PKHD1: variants seen among roughly 807,000 people sequenced by gnomAD.
PKHD1 encodes fibrocystin.
In PKHD1, 291 loss-of-function variants were observed where a neutral mutation model predicts 412.0. The observed-to-expected ratio is 0.71, with a 90% CI of 0.64 to 0.78. PKHD1 has a LOEUF of 0.78. PKHD1 is among the 30% of genes least tolerant of loss of function. The pLI is 0.00. For missense variants in PKHD1, 4,825 were observed against 4,950.7 expected (o/e 0.97, Z 0.76); for synonymous variants, 1,777 against 1,821.5 (o/e 0.98, Z 0.62).
chr6:52,016,279 G>A (rs1395550064), intron 34 of PKHD1, among the ~76,000 whole-genome samples: 1 of 152,164 alleles, frequency 6.6e-6, no homozygotes, highest in Non-Finnish European at 1.5e-5. Flanking sequence ...AAAGTCAGAT[G>A]CCATGAAAAG....
chr6:51,870,695 A>G (rs376505830), intron 46 of PKHD1, 56 bp from the exon 47 acceptor site: 36 of 1,310,730 alleles, frequency 2.7e-5, no homozygotes, highest in East Asian at 1.6e-4. Flanking sequence ...GACACATGAA[A>G]TACAATTCAT....
chr6:51,796,587 T>C (rs1794646392), intron 52 of PKHD1, among the ~76,000 whole-genome samples: 1 of 152,102 alleles, frequency 6.6e-6, no homozygotes, highest in African/African-American at 2.4e-5. Flanking sequence ...AGTTGTAATG[T>C]TAGATTGTTA....
intron 37 of PKHD1, among the ~76,000 whole-genome samples, chr6:51,924,115 C>T (rs1785153357): frequency 6.6e-6 from 1 of 151,922 alleles, no homozygotes; most frequent in Non-Finnish European, 1.5e-5. Context: ...AATATAATAC[C>T]CAATTCAATG....
At chr6:52,087,066 T>C (rs972569421) in intron 1 of PKHD1, among the ~76,000 whole-genome samples, 6 of 152,222 alleles carry the variant, frequency 3.9e-5, no homozygotes, top group African/African-American at 1.4e-4. Context: ...AACCCTACAT[T>C]TGGAACTGCA....
At chr6:51,893,243 A>G (rs561064230) in intron 43 of PKHD1, among the ~76,000 whole-genome samples, 27 of 152,346 alleles carry the variant, frequency 1.8e-4, no homozygotes, top group African/African-American at 6.3e-4. Flanking sequence ...CTTAAATTTA[A>G]AAAATATATT....
intron 54 of PKHD1, among the ~76,000 whole-genome samples, chr6:51,774,433 T>C (rs1200667418): frequency 1.3e-5 from 2 of 151,994 alleles, no homozygotes; most frequent in Non-Finnish European, 2.9e-5. Flanking sequence ...TTTGTTCCAG[T>C]GTTATCACGC....
intron 36 of PKHD1, among the ~76,000 whole-genome samples, chr6:51,939,569 A>G (rs949209950): frequency 1.3e-5 from 2 of 151,638 alleles, no homozygotes; most frequent in Admixed American, 6.6e-5. Flanking sequence ...GCCAGAAAAC[A>G]GCATTTTCGA....
chr6:51,628,219 C>T (rs910326482), intron 65 of PKHD1, among the ~76,000 whole-genome samples: 2 of 152,060 alleles, frequency 1.3e-5, no homozygotes, highest in South Asian at 4.1e-4. Context: ...TCAACCCTTA[C>T]CCCCCTCCCA....
intron 60 of PKHD1, among the ~76,000 whole-genome samples, chr6:51,697,150 A>G (rs1323896038): frequency 6.6e-6 from 1 of 151,558 alleles, no homozygotes; most frequent in African/African-American, 2.4e-5. Context: ...ACTGCACTCC[A>G]GCCTGGGCAA....
intron 26 of PKHD1, 106 bp downstream of exon 26, chr6:52,043,519 G>A (rs1282853496): frequency 3.7e-6 from 3 of 802,402 alleles, no homozygotes; most frequent in Non-Finnish European, 6.5e-6. Flanking sequence ...TCTGCCTAAT[G>A]AACTAATTTA....
intron 35 of PKHD1, among the ~76,000 whole-genome samples, chr6:51,989,469 T>G (rs1433607011): frequency 6.6e-6 from 1 of 152,182 alleles, no homozygotes; most frequent in East Asian, 1.9e-4. Context: ...CAGGCACACC[T>G]GCAGGGGTGT....
intron 60 of PKHD1, among the ~76,000 whole-genome samples, chr6:51,681,374 A>G (rs1188091613): frequency 6.6e-6 from 1 of 152,038 alleles, no homozygotes; most frequent in Non-Finnish European, 1.5e-5. Context: ...TAGCAATGTC[A>G]TGTTTGGTTG....
chr6:52,015,376 G>T (rs150486099), intron 34 of PKHD1, among the ~76,000 whole-genome samples: 3 of 152,112 alleles, frequency 2.0e-5, no homozygotes, highest in African/African-American at 7.2e-5. Flanking sequence ...AGAATTTAAG[G>T]TTATTCGTGA....
At chr6:51,951,856 A>G (rs1032648798) in intron 36 of PKHD1, among the ~76,000 whole-genome samples, 5 of 152,218 alleles carry the variant, frequency 3.3e-5, no homozygotes, top group African/African-American at 1.2e-4. Context: ...GCATGACCCT[A>G]TAAGCCATAT....
At chr6:51,766,229 A>G (rs1229990110) in intron 55 of PKHD1, among the ~76,000 whole-genome samples, 1 of 152,142 alleles carries the variant, frequency 6.6e-6, no homozygotes, top group East Asian at 1.9e-4. Flanking sequence ...AATTCTGTAC[A>G]TAGAGAAAAG....
At chr6:51,786,696 C>T (rs1410294704) in intron 53 of PKHD1, among the ~76,000 whole-genome samples, 3 of 152,160 alleles carry the variant, frequency 2.0e-5, no homozygotes, top group African/African-American at 7.2e-5. Flanking sequence ...AGACATGATC[C>T]TTCCAATCAT....
rs1275640008 is a variant in PKHD1 at position 52,062,657 on chromosome 6, T to C, written c.980A>G (p.Asn327Ser). The C allele has an allele frequency of 6.2e-7, 1 of 1,614,114 alleles. No homozygotes were observed. The highest frequency in any genetic ancestry group is 1.7e-5 in the Admixed American group (1 of 60,024). Residue 327 changes from asparagine to serine, a missense_variant, in exon 14 of 67, where the codon AAT (asparagine) becomes AGT (serine). Coordinates refer to ENST00000371117, the MANE Select transcript of PKHD1 (RefSeq NM_138694.4). ...TCCAACTTCAAAAAGAAGCCCTCGA[T>C]TGCCTGTAAGACATGTAGATCGCAT... Reference protein sequence around the residue: ...DVRLTTPQPGNRGLLFEVGDA... With the variant: ...DVRLTTPQPGSRGLLFEVGDA...
intron 35 of PKHD1, among the ~76,000 whole-genome samples, chr6:51,979,498 TAGGAA>T (rs1794873203): frequency 6.6e-6 from 1 of 152,060 alleles, no homozygotes; most frequent in African/African-American, 2.4e-5. Flanking sequence ...ATTCTCTTCC[TAGGAA>T]AATTAACCTC....
intron 21 of PKHD1, among the ~76,000 whole-genome samples, chr6:52,051,179 C>A (rs12665571): frequency 6.6e-6 from 1 of 152,142 alleles, no homozygotes. Flanking sequence ...TCCACAGCTC[C>A]GCTGTGTGAA....
Sources: gnomAD v4.1 joint callset for allele counts (sites outside exome capture counted in the v4.1 genomes callset) on GRCh38, gnomAD v4.1.1 for gene constraint, MANE v1.5 for transcripts, NCBI Gene and HGNC (gene_info 2026-07-23, HGNC 2026-07-21) for gene names.